CRTC3: variants seen among roughly 807,000 people sequenced by gnomAD.
CRTC3 encodes CREB-regulated transcription coactivator 3.
Under a neutral mutation model 74.5 loss-of-function variants are expected in CRTC3, and 26 were observed. The ratio of observed to expected loss-of-function variants is 0.35; its 90% CI spans 0.26 to 0.48. CRTC3 has a LOEUF of 0.48. Among genes scored for constraint, CRTC3 ranks in the 20% least tolerant of loss-of-function variants. CRTC3 has a pLI of 0.99. For missense variants in CRTC3, 760 were observed against 787.3 expected (o/e 0.97, Z 0.41); for synonymous variants, 377 against 325.8 (o/e 1.16, Z -1.69).
At chr15:90,584,818 C>G (rs910296938) in intron 2 of CRTC3, among the ~76,000 whole-genome samples, 1 of 152,112 alleles carries the variant, frequency 6.6e-6, no homozygotes, top group East Asian at 1.9e-4. Context: ...TCCAACCAGT[C>G]TCCTCTCCTA....
intron 2 of CRTC3, among the ~76,000 whole-genome samples, chr15:90,585,098 A>C (rs949415422): frequency 2.6e-5 from 4 of 152,164 alleles, no homozygotes; most frequent in African/African-American, 9.7e-5. Context: ...TTAAATCTTC[A>C]GTGGATTTAG....
Position 90,582,564 on chromosome 15 carries a change from T to C in CRTC3, c.232-11072T>C, listed in dbSNP as rs375787399. On this transcript the variant is annotated intron_variant, in intron 2 of 14. Transcript: ENST00000268184. ...TTATGCAGCCTAGTAGTAAAAAGAG[T>C]TTTATATCCCCAATTTGGGTATGTT... Among the ~76,000 whole-genome samples the C allele has an allele frequency of 5.3e-5, 8 of 152,168 alleles. No individual in the cohort carries two copies. In the East Asian group the frequency reaches 1.5e-3, roughly 29 times the overall value.
At chr15:90,571,283 G>A (rs1289467635) in intron 2 of CRTC3, among the ~76,000 whole-genome samples, 2 of 152,162 alleles carry the variant, frequency 1.3e-5, no homozygotes, top group African/African-American at 4.8e-5. Flanking sequence ...TGTCCGAGTG[G>A]TGCCTAACCC....
intron 2 of CRTC3, among the ~76,000 whole-genome samples, chr15:90,572,481 G>GTAT (rs1967294372): frequency 6.6e-6 from 1 of 152,122 alleles, no homozygotes; most frequent in African/African-American, 2.4e-5. Context: ...AGATATTACC[G>GTAT]TATTATTCCC....
Position 90,614,594 on chromosome 15 carries a change from A to G in CRTC3, c.613+106A>G, listed in dbSNP as rs1046125973. 9.0e-6 allele frequency: 7 copies of G among 776,256 alleles called. No homozygotes were observed. In the Admixed American group the frequency reaches 1.2e-4, roughly 13 times the overall value. 48.1% of individuals were successfully genotyped at this position (776,256 alleles called of 1,614,324 possible). On this transcript the variant is annotated intron_variant, in intron 7 of 14. Coordinates refer to ENST00000268184, the MANE Select transcript of CRTC3 (RefSeq NM_022769.5). Reference sequence around the variant, plus strand: ...TATTCATGTTTTCAGGACTCCCCCAAATGCTGACAACTGCTGATTGGCTTA... The same window carrying G: ...TATTCATGTTTTCAGGACTCCCCCAGATGCTGACAACTGCTGATTGGCTTA...
chr15:90,586,388 A>C (rs1215070387), intron 2 of CRTC3, among the ~76,000 whole-genome samples: 18 of 97,128 alleles, frequency 1.9e-4, no homozygotes, highest in Admixed American at 1.0e-3. Context: ...TTTTTTTGAG[A>C]TGGAGTCTCG....
chr15:90,603,368 A>G (rs867153091), intron 4 of CRTC3, among the ~76,000 whole-genome samples: 26 of 151,118 alleles, frequency 1.7e-4, no homozygotes, highest in South Asian at 2.1e-4. Context: ...GCGTGAACCC[A>G]GGAGGCGGAG....
Position 90,629,364 on chromosome 15 carries a change from G to C in CRTC3, c.1098G>C (p.Leu366=), listed in dbSNP as rs1651979330. ...NASALHPSLR[L]FSLSNPSLST... ...CTGCTCTTCACCCTTCGCTCCGTCT[G>C]TTTTCCCTTAGCAACCCATCTCTTT... The change falls in exon 11 of 15, where the codon CTG becomes CTC. Residue 366 remains leucine, a synonymous_variant. Transcript: ENST00000268184. 2 of 1,613,870 alleles carry C rather than the reference G, an allele frequency of 1.2e-6. No homozygotes were observed. The highest frequency in any genetic ancestry group is 1.7e-6 in the Non-Finnish European group (2 of 1,180,012).
At position 90,642,715 on chromosome 15, in the gene CRTC3, C is replaced by T; in HGVS notation, c.*575C>T. The T allele has an allele frequency of 4.3e-6, 1 of 232,454 alleles. No individual in the cohort carries two copies. Among genetic ancestry groups the T allele is most frequent in the Non-Finnish European group, 8.5e-6 (1 of 117,428 alleles). 14.4% of individuals were successfully genotyped at this position (232,454 alleles called of 1,614,324 possible). A position where few individuals can be genotyped will look rare whatever the true frequency, so the allele number is the denominator to read the frequency against. On this transcript the variant is annotated 3_prime_UTR_variant, in exon 15 of 15. Coordinates refer to ENST00000268184, the MANE Select transcript of CRTC3 (RefSeq NM_022769.5). The stretch of plus-strand genomic sequence containing the variant: ...GAAGTTTTTACCACAAGCCCGAGGG[C>T]AGGCTTGAGTTAGGCAGACTGAAGG...
intron 2 of CRTC3, among the ~76,000 whole-genome samples, chr15:90,563,658 A>G (rs1016669748): frequency 6.6e-6 from 1 of 152,160 alleles, no homozygotes; most frequent in Non-Finnish European, 1.5e-5. Flanking sequence ...ACTGTGCAGC[A>G]CTTTTCATGC....
chr15:90,560,027 A>G (rs1966977718), intron 2 of CRTC3, among the ~76,000 whole-genome samples: 1 of 152,052 alleles, frequency 6.6e-6, no homozygotes, highest in African/African-American at 2.4e-5. Context: ...TTTCTTATCA[A>G]ATTGTAGGAG....
chr15:90,582,392 G>GCCA (rs1243080338), intron 2 of CRTC3, among the ~76,000 whole-genome samples: 1 of 152,158 alleles, frequency 6.6e-6, no homozygotes, highest in African/African-American at 2.4e-5. Flanking sequence ...ACCCTGCTAT[G>GCCA]CCATCCCTGA....
intron 11 of CRTC3, among the ~76,000 whole-genome samples, chr15:90,636,224 A>T (rs1314519442): frequency 2.0e-5 from 3 of 152,058 alleles, no homozygotes; most frequent in Non-Finnish European, 4.4e-5. Flanking sequence ...GACCAATGGA[A>T]CAGAACAGAG....
chr15:90,592,843 A>G lies in CRTC3; in HGVS notation c.232-793A>G, dbSNP rs142323735. On this transcript the variant is annotated intron_variant, in intron 2 of 14. Transcript: ENST00000268184. ...CTTGAGCCTGAGATGAGTGCGGCTC[A>G]TTGTGGCCAAGATATTTTGATTTAT... 5.0e-3 allele frequency among the ~76,000 whole-genome samples: 762 copies of G among 152,298 alleles called. 6 individuals carry two copies. Among genetic ancestry groups the G allele is most frequent in the African/African-American group, 0.018 (736 of 41,558 alleles).
At chr15:90,579,029 A>G (rs181942186) in intron 2 of CRTC3, among the ~76,000 whole-genome samples, 29 of 152,252 alleles carry the variant, frequency 1.9e-4, no homozygotes, top group Admixed American at 9.2e-4. Flanking sequence ...TTGGTTTTGC[A>G]TATGTAGATT....
intron 2 of CRTC3, among the ~76,000 whole-genome samples, chr15:90,585,998 C>T (rs115827771): frequency 0.021 from 3,222 of 152,246 alleles, 104 homozygotes; most frequent in African/African-American, 0.07. Context: ...AGCACATTGT[C>T]CTCATAGCAT....
intron 13 of CRTC3, among the ~76,000 whole-genome samples, chr15:90,640,808 G>C (rs1175341637): frequency 6.6e-6 from 1 of 152,160 alleles, no homozygotes; most frequent in Non-Finnish European, 1.5e-5. Context: ...AGATGTCTGA[G>C]GGGCCACAGA....
intron 5 of CRTC3, 39 bp from the exon 6 acceptor site, chr15:90,607,339 A>G (rs1968248688): frequency 7.9e-7 from 1 of 1,258,544 alleles, no homozygotes; most frequent in East Asian, 2.4e-5. Flanking sequence ...TCACTAAGGA[A>G]AACGGATTTT....
intron 2 of CRTC3, among the ~76,000 whole-genome samples, chr15:90,567,085 G>A (rs930836093): frequency 6.6e-5 from 10 of 152,110 alleles, no homozygotes; most frequent in African/African-American, 2.4e-4. Context: ...TGGCTTCAAA[G>A]CTCCAAAGGA....
Sources: allele counts gnomAD v4.1 joint callset (sites outside exome capture counted in the v4.1 genomes callset), GRCh38; gene constraint gnomAD v4.1.1; transcripts MANE v1.5; gene names NCBI Gene and HGNC (gene_info 2026-07-23, HGNC 2026-07-21).